The following ARB2A variants were observed in gnomAD, a reference collection of about 807,000 sequenced individuals.
The protein encoded by ARB2A is ARB2 cotranscriptional regulator A.
the ARB2A span, among the ~76,000 whole-genome samples, chr5:93,991,728 T>A: frequency 6.6e-6 from 1 of 151,822 alleles, no homozygotes; most frequent in African/African-American, 2.4e-5. Context: ...CTCCCTCAAA[T>A]AAAAGATTGG....
At chr5:93,620,064 G>A in the ARB2A span, 1 of 152,152 alleles carries the variant, frequency 6.6e-6, no homozygotes, top group African/African-American at 2.4e-5. Flanking sequence ...TTTCTCCACA[G>A]AGAGATTTAA....
At chr5:93,976,877 C>T in the ARB2A span, among the ~76,000 whole-genome samples, 2 of 152,010 alleles carry the variant, frequency 1.3e-5, no homozygotes. Context: ...CACTATATGA[C>T]TCCTAGACAT....
the ARB2A span, among the ~76,000 whole-genome samples, chr5:94,095,677 C>T: frequency 6.6e-6 from 1 of 152,008 alleles, no homozygotes; most frequent in East Asian, 1.9e-4. Flanking sequence ...AAAAGCTTTA[C>T]AACACTCCCA....
the ARB2A span, among the ~76,000 whole-genome samples, chr5:94,010,868 T>C: frequency 2.0e-5 from 3 of 152,090 alleles, no homozygotes; most frequent in Admixed American, 1.3e-4. Flanking sequence ...AAAAAGTTCA[T>C]AATGGGTTGA....
chr5:93,716,646 T>A, the ARB2A span, among the ~76,000 whole-genome samples: 7 of 150,094 alleles, frequency 4.7e-5, no homozygotes. Flanking sequence ...ATGTGGTTAG[T>A]TTGTCTTGCC....
the ARB2A span, among the ~76,000 whole-genome samples, chr5:94,033,847 T>C: frequency 6.6e-6 from 1 of 152,210 alleles, no homozygotes; most frequent in South Asian, 2.1e-4. Context: ...GCCAATGAAA[T>C]AGTATTGGGA....
chr5:93,834,955 T>C, the ARB2A span, among the ~76,000 whole-genome samples: 1 of 152,192 alleles, frequency 6.6e-6, no homozygotes, highest in Non-Finnish European at 1.5e-5. Flanking sequence ...GAATTCCACA[T>C]TAGAGTGCAT....
the ARB2A span, among the ~76,000 whole-genome samples, chr5:93,804,513 T>C: frequency 7.8e-3 from 1,185 of 152,016 alleles, 5 homozygotes; most frequent in Non-Finnish European, 0.011. Context: ...AATTCAATAT[T>C]ATTAAAAGTT....
the ARB2A span, among the ~76,000 whole-genome samples, chr5:93,621,321 G>A: frequency 6.6e-6 from 1 of 151,450 alleles, no homozygotes; most frequent in African/African-American, 2.4e-5. Context: ...GCGGGCGCGG[G>A]CCAGCCGACT....
chr5:93,685,110 T>C, the ARB2A span, among the ~76,000 whole-genome samples: 4 of 152,200 alleles, frequency 2.6e-5, no homozygotes, highest in African/African-American at 9.6e-5. Context: ...CATCAATGAC[T>C]TACATCCTTT....
At chr5:93,958,280 G>A in the ARB2A span, among the ~76,000 whole-genome samples, 1 of 151,912 alleles carries the variant, frequency 6.6e-6, no homozygotes, top group East Asian at 1.9e-4. Context: ...ACATTTTAAA[G>A]AAACGACAAA....
chr5:94,034,970 T>A, the ARB2A span, among the ~76,000 whole-genome samples: 1 of 152,150 alleles, frequency 6.6e-6, no homozygotes, highest in Admixed American at 6.5e-5. Flanking sequence ...AGAATCTAAC[T>A]AACGCTTGAT....
chr5:94,109,180 A>T, the ARB2A span, among the ~76,000 whole-genome samples: 1 of 152,238 alleles, frequency 6.6e-6, no homozygotes, highest in African/African-American at 2.4e-5. Context: ...GCCAGTCACA[A>T]AAGGTCAAAT....
chr5:93,985,819 G>A, the ARB2A span, among the ~76,000 whole-genome samples: 1 of 152,226 alleles, frequency 6.6e-6, no homozygotes, highest in African/African-American at 2.4e-5. Context: ...AAAGTGCTGA[G>A]ATTGCAGCCT....
At chr5:93,770,951 T>A in the ARB2A span, among the ~76,000 whole-genome samples, 1 of 152,088 alleles carries the variant, frequency 6.6e-6, no homozygotes, top group Non-Finnish European at 1.5e-5. Flanking sequence ...TGGAAAAAAC[T>A]ACTTTAAAGT....
chr5:93,707,502 T>C, the ARB2A span, among the ~76,000 whole-genome samples: 1 of 151,962 alleles, frequency 6.6e-6, no homozygotes, highest in Admixed American at 6.6e-5. Flanking sequence ...AAAATAAGTA[T>C]ACAAGGGTAC....
At chr5:94,050,114 A>AT in the ARB2A span, among the ~76,000 whole-genome samples, 3 of 151,724 alleles carry the variant, frequency 2.0e-5, no homozygotes, top group Non-Finnish European at 2.9e-5. Context: ...TAATTTTTTT[A>AT]TTTTTTGTAG....
the ARB2A span, chr5:94,050,870 T>C: frequency 7.4e-7 from 1 of 1,356,274 alleles, no homozygotes; most frequent in Non-Finnish European, 1.0e-6. Context: ...TACTTCAAAG[T>C]ATATTGACAA....
chr5:93,937,277 GT>G, the ARB2A span, among the ~76,000 whole-genome samples: 10 of 151,956 alleles, frequency 6.6e-5, no homozygotes, highest in South Asian at 1.7e-3. Context: ...GTCTGTGTGG[GT>G]GGGGGGAGGA....
Sources: gnomAD v4.1 joint callset for allele counts (sites outside exome capture counted in the v4.1 genomes callset) on GRCh38, gnomAD v4.1.1 for gene constraint, MANE v1.5 for transcripts, NCBI Gene and HGNC (gene_info 2026-07-23, HGNC 2026-07-21) for gene names.